The following KALRN variants were observed in gnomAD, a reference collection of about 807,000 sequenced individuals.
KALRN encodes kalirin RhoGEF kinase, also known as kalirin.
A neutral mutation model predicts 353.7 loss-of-function variants in KALRN; 70 were observed. The ratio of observed to expected loss-of-function variants is 0.20; its 90% CI spans 0.16 to 0.24. The LOEUF is 0.24. Among genes scored for constraint, KALRN ranks in the 10% least tolerant of loss-of-function variants. KALRN has a pLI of 1.00. For synonymous variants in KALRN, 1,391 were observed against 1,434.8 expected (o/e 0.97, Z 0.69); for missense variants, 2,791 against 3,756.7 (o/e 0.74, Z 6.72).
intron 30 of KALRN, 55 bp from the exon 31 acceptor site, chr3:124,491,266 TAA>T: frequency 1.1e-6 from 1 of 926,114 alleles, no homozygotes; most frequent in Non-Finnish European, 1.6e-6. Context: ...ACCCCAGCCC[TAA>T]GTTTCCCCAC....
At chr3:124,533,137 C>A (rs4677930) in intron 33 of KALRN, among the ~76,000 whole-genome samples, 24,449 of 151,242 alleles carry the variant, frequency 0.16, 2,165 homozygotes, top group Middle Eastern at 0.26. Context: ...GCCTGTAATC[C>A]CAACAGTTTG....
intron 19 of KALRN, among the ~76,000 whole-genome samples, chr3:124,443,831 C>T (rs758038144): frequency 2.0e-5 from 3 of 152,098 alleles, no homozygotes; most frequent in Non-Finnish European, 2.9e-5. Context: ...GGGTTGATTC[C>T]CTCAGTCACA....
chr3:124,279,786 G>A (rs1363311993), intron 5 of KALRN, among the ~76,000 whole-genome samples: 2 of 152,234 alleles, frequency 1.3e-5, no homozygotes, highest in Non-Finnish European at 2.9e-5. Context: ...TTGGAGCAGA[G>A]GGCACCAGCA....
chr3:124,414,848 A>G (rs1173063719), intron 14 of KALRN, among the ~76,000 whole-genome samples: 6 of 152,170 alleles, frequency 3.9e-5, no homozygotes, highest in Non-Finnish European at 8.8e-5. Flanking sequence ...TATAAAACGC[A>G]GTTGGGCCAT....
At chr3:124,122,880 A>G (rs2064187522) in intron 1 of KALRN, among the ~76,000 whole-genome samples, 1 of 152,190 alleles carries the variant, frequency 6.6e-6, no homozygotes, top group Non-Finnish European at 1.5e-5. Context: ...GCTAGAAATG[A>G]TGAAGCTTAG....
chr3:124,282,983 A>C (rs1051195909), intron 5 of KALRN, among the ~76,000 whole-genome samples: 1 of 152,218 alleles, frequency 6.6e-6, no homozygotes, highest in Non-Finnish European at 1.5e-5. Flanking sequence ...AGGCCCACCT[A>C]GCACATACCA....
chr3:124,165,304 C>T (rs182786378), intron 1 of KALRN, among the ~76,000 whole-genome samples: 1 of 152,206 alleles, frequency 6.6e-6, no homozygotes, highest in East Asian at 1.9e-4. Context: ...ACTTATTAGC[C>T]CTGGCTGTGC....
chr3:124,102,795 T>G (rs1231573360), intron 1 of KALRN, among the ~76,000 whole-genome samples: 1 of 152,250 alleles, frequency 6.6e-6, no homozygotes, highest in East Asian at 1.9e-4. Context: ...TAAATAACTT[T>G]GGCTAACAGA....
At chr3:124,422,616 A>C (rs2092830852) in intron 14 of KALRN, among the ~76,000 whole-genome samples, 196 bp from the exon 15 acceptor site, 1 of 152,230 alleles carries the variant, frequency 6.6e-6, no homozygotes, top group Non-Finnish European at 1.5e-5. Context: ...ATCAGTTAAT[A>C]CAAAAGAGAT....
chr3:124,197,528 C>A (rs534965682), intron 1 of KALRN, among the ~76,000 whole-genome samples: 2 of 152,332 alleles, frequency 1.3e-5, no homozygotes, highest in African/African-American at 4.8e-5. Context: ...ATCCTTCTAG[C>A]TAGAACACTT....
chr3:124,376,018 C>T (rs139855459), intron 10 of KALRN, among the ~76,000 whole-genome samples: 1 of 151,978 alleles, frequency 6.6e-6, no homozygotes, highest in African/African-American at 2.4e-5. Context: ...TAAAAATATG[C>T]CTTTTATAGG....
At chr3:124,314,208 G>T (rs1172385719) in intron 6 of KALRN, among the ~76,000 whole-genome samples, 3 of 152,046 alleles carry the variant, frequency 2.0e-5, no homozygotes, top group Non-Finnish European at 4.4e-5. Context: ...TAGGGACATG[G>T]TTGAAGCTGG....
chr3:124,672,906 T>C lies in KALRN; in HGVS notation c.6942+1008T>C, dbSNP rs775060215. 6.6e-4 allele frequency among the ~76,000 whole-genome samples: 101 copies of C among 152,250 alleles called. 1 individual carries two copies. Among genetic ancestry groups the C allele is most frequent in the Admixed American group, 1.5e-3 (23 of 15,288 alleles). On this transcript the variant is annotated intron_variant, in intron 48 of 59. Transcript: ENST00000682506. The stretch of plus-strand genomic sequence containing the variant: ...TTTTTATCTACATGTTCCAGTTTTA[T>C]AGTTTTATTTCTCCTCAAAATTATT...
chr3:124,504,937 C>A, intron 33 of KALRN: 1 of 507,162 alleles, frequency 2.0e-6, no homozygotes, highest in South Asian at 1.5e-5. Context: ...CAGTCCAAGG[C>A]AAACAAGGCT....
chr3:124,236,998 G>A (rs902245822), intron 3 of KALRN, among the ~76,000 whole-genome samples: 2 of 152,186 alleles, frequency 1.3e-5, no homozygotes, highest in East Asian at 1.9e-4. Context: ...GAGTGTAAGT[G>A]CCTGGCAGGC....
intron 5 of KALRN, among the ~76,000 whole-genome samples, chr3:124,291,493 A>G (rs570260932): frequency 6.6e-6 from 1 of 152,338 alleles, no homozygotes; most frequent in South Asian, 2.1e-4. Context: ...TTACCATGTA[A>G]GAGGGGAAAG....
chr3:124,378,543 T>C (rs1471173412), intron 10 of KALRN, among the ~76,000 whole-genome samples: 10 of 152,152 alleles, frequency 6.6e-5, no homozygotes. Context: ...ATTTTCTTTC[T>C]TCCTGAAGGA....
At chr3:124,316,074 A>AGTT (rs1344894079) in intron 6 of KALRN, among the ~76,000 whole-genome samples, 1 of 152,134 alleles carries the variant, frequency 6.6e-6, no homozygotes, top group African/African-American at 2.4e-5. Flanking sequence ...AAAAAGCAGA[A>AGTT]GTCACAGTTC....
chr3:124,505,284 T>C (rs2108730847), intron 33 of KALRN, among the ~76,000 whole-genome samples: 1 of 152,272 alleles, frequency 6.6e-6, no homozygotes, highest in Middle Eastern at 3.4e-3. Context: ...ATTGGAAGTG[T>C]GGTACCTAGA....
Sources: gnomAD v4.1 joint callset for allele counts (sites outside exome capture counted in the v4.1 genomes callset) on GRCh38, gnomAD v4.1.1 for gene constraint, MANE v1.5 for transcripts, NCBI Gene and HGNC (gene_info 2026-07-23, HGNC 2026-07-21) for gene names.